Variants in NAALADL2 observed in about 807,000 individuals in gnomAD.
NAALADL2 encodes inactive N-acetylated-alpha-linked acidic dipeptidase-like protein 2.
NAALADL2 carries 76 observed loss-of-function variants against 87.2 expected under a neutral mutation model. The ratio of observed to expected loss-of-function variants is 0.87; its 90% CI spans 0.72 to 1.05. NAALADL2 has a LOEUF of 1.05. Ranked by LOEUF, NAALADL2 falls within the 50% of genes least tolerant of loss-of-function variation. The pLI is 0.00. For missense variants in NAALADL2, 1,089 were observed against 945.8 expected (o/e 1.15, Z -1.99); for synonymous variants, 354 against 331.0 (o/e 1.07, Z -0.75).
intron 2 of NAALADL2, among the ~76,000 whole-genome samples, chr3:175,133,174 A>G (rs62287725): frequency 6.8e-6 from 1 of 145,986 alleles, no homozygotes; most frequent in African/African-American, 2.6e-5. Flanking sequence ...GGCCGCCGGG[A>G]AGAGGCGCTC....
At chr3:174,563,763 G>A (rs377055826) in intron 2 of NAALADL2, among the ~76,000 whole-genome samples, 11 of 152,210 alleles carry the variant, frequency 7.2e-5, no homozygotes, top group African/African-American at 2.2e-4. Context: ...GATCAGAGAA[G>A]GTGATCTGTC....
At chr3:175,306,540 G>A (rs73047232) in intron 4 of NAALADL2, among the ~76,000 whole-genome samples, 10,981 of 152,092 alleles carry the variant, frequency 0.072, 1,283 homozygotes, top group African/African-American at 0.25. Flanking sequence ...GGCCAGACGC[G>A]GTGGCTCGTG....
intron 1 of NAALADL2, among the ~76,000 whole-genome samples, chr3:174,446,371 A>G (rs540952349): frequency 6.6e-6 from 1 of 152,256 alleles, no homozygotes; most frequent in Non-Finnish European, 1.5e-5. Flanking sequence ...AAGTAGTACA[A>G]ATGGCTTTTT....
chr3:175,657,912 C>A (rs2149804283), intron 11 of NAALADL2, among the ~76,000 whole-genome samples: 1 of 151,944 alleles, frequency 6.6e-6, no homozygotes, highest in African/African-American at 2.4e-5. Context: ...ATAGAATTTT[C>A]TTTTTTACCA....
intron 4 of NAALADL2, among the ~76,000 whole-genome samples, chr3:175,302,372 A>C (rs1161398309): frequency 6.6e-6 from 1 of 152,168 alleles, no homozygotes; most frequent in Admixed American, 6.6e-5. Context: ...ATCCTAATTG[A>C]TGATAGTCCA....
intron 3 of NAALADL2, among the ~76,000 whole-genome samples, chr3:174,765,135 C>CG (rs1311877233): frequency 1.6e-5 from 2 of 124,370 alleles, no homozygotes; most frequent in African/African-American, 5.4e-5. Context: ...CACACACACA[C>CG]ACACACACGA....
At chr3:175,481,332 C>A (rs1327895872) in intron 9 of NAALADL2, among the ~76,000 whole-genome samples, 1 of 137,920 alleles carries the variant, frequency 7.3e-6, no homozygotes, top group East Asian at 2.0e-4. Flanking sequence ...ACTAACAATG[C>A]CACTGTGTGT....
intron 2 of NAALADL2, among the ~76,000 whole-genome samples, chr3:175,113,464 G>T (rs1279050441): frequency 6.6e-6 from 1 of 151,654 alleles, no homozygotes; most frequent in Admixed American, 6.6e-5. Flanking sequence ...CAGCATCTGT[G>T]TCAGTTTTTC....
intron 1 of NAALADL2, among the ~76,000 whole-genome samples, chr3:174,972,974 C>T (rs1211920827): frequency 3.8e-5 from 5 of 130,430 alleles, no homozygotes; most frequent in Non-Finnish European, 6.3e-5. Context: ...CCAGCTTGGG[C>T]AACAAGAGTG....
At chr3:174,454,772 T>G (rs571379748) in intron 1 of NAALADL2, among the ~76,000 whole-genome samples, 9 of 152,056 alleles carry the variant, frequency 5.9e-5, no homozygotes, top group African/African-American at 1.9e-4. Flanking sequence ...ACACTCACAT[T>G]AAAAAGTTAG....
chr3:175,625,102 C>G (rs1384739178), intron 10 of NAALADL2, among the ~76,000 whole-genome samples: 1 of 151,908 alleles, frequency 6.6e-6, no homozygotes, highest in Non-Finnish European at 1.5e-5. Flanking sequence ...ACAGAAGTGC[C>G]TTGAATATTT....
chr3:175,408,221 C>T (rs968779159), intron 5 of NAALADL2, among the ~76,000 whole-genome samples: 1 of 151,928 alleles, frequency 6.6e-6, no homozygotes, highest in Non-Finnish European at 1.5e-5. Flanking sequence ...TGCATGATGA[C>T]TTCAGTTAAT....
rs559135996 is a variant in NAALADL2 at position 175,459,627 on chromosome 3, A to C, written c.1235-3774A>C. 2.9e-4 allele frequency among the ~76,000 whole-genome samples: 44 copies of C among 152,236 alleles called. 1 individual carries two copies. The Middle Eastern group carries it at 0.01, about 35-fold the overall frequency. On this transcript the variant is annotated intron_variant, in intron 6 of 13. Transcript: ENST00000454872. ...AAAGCACAAAGAGAAAAATTCTAAA[A>C]GTTTCTACAGTGAAAAAGGGTTCGA...
At chr3:175,684,929 A>T (rs1736066799) in intron 11 of NAALADL2, among the ~76,000 whole-genome samples, 1 of 152,346 alleles carries the variant, frequency 6.6e-6, no homozygotes, top group African/African-American at 2.4e-5. Context: ...AAGAGCTTGT[A>T]GTTAAAATCT....
At chr3:174,592,967 G>C (rs981437759) in intron 2 of NAALADL2, among the ~76,000 whole-genome samples, 5 of 152,010 alleles carry the variant, frequency 3.3e-5, no homozygotes, top group Admixed American at 2.0e-4. Flanking sequence ...GGTAGAGAGA[G>C]AGTGAGAAAG....
At chr3:175,707,114 T>G (rs1739829284) in intron 11 of NAALADL2, among the ~76,000 whole-genome samples, 1 of 152,100 alleles carries the variant, frequency 6.6e-6, no homozygotes. Context: ...ATAATAATAG[T>G]GTAAATTATA....
intron 2 of NAALADL2, among the ~76,000 whole-genome samples, chr3:174,659,170 A>T (rs1180315799): frequency 6.6e-6 from 1 of 152,326 alleles, no homozygotes; most frequent in East Asian, 1.9e-4. Flanking sequence ...TCATGCAAAT[A>T]TATGACACTT....
At chr3:175,519,231 T>C (rs947785199) in intron 9 of NAALADL2, among the ~76,000 whole-genome samples, 2 of 152,252 alleles carry the variant, frequency 1.3e-5, no homozygotes, top group Non-Finnish European at 2.9e-5. Context: ...ATTAGAATGA[T>C]ATATTTAGGT....
intron 2 of NAALADL2, among the ~76,000 whole-genome samples, chr3:175,181,937 T>C (rs891258167): frequency 1.3e-5 from 2 of 151,506 alleles, no homozygotes; most frequent in Admixed American, 6.6e-5. Flanking sequence ...TGTTGGAATA[T>C]ATGGTCATTG....
Sources: allele counts gnomAD v4.1 joint callset (sites outside exome capture counted in the v4.1 genomes callset), GRCh38; gene constraint gnomAD v4.1.1; transcripts MANE v1.5; gene names NCBI Gene and HGNC (gene_info 2026-07-23, HGNC 2026-07-21).